Variants in GPC4 observed in about 807,000 individuals in gnomAD.
GPC4 encodes the protein glypican-4.
Under a neutral mutation model 35.0 loss-of-function variants are expected in GPC4, and 10 were observed. The observed-to-expected ratio is 0.29, with a 90% CI of 0.18 to 0.48. The LOEUF (loss-of-function observed/expected upper bound fraction) is 0.48, where lower values mean the gene tolerates loss of function less well. Among genes scored for constraint, GPC4 ranks in the 20% least tolerant of loss-of-function variants. The pLI, the probability that GPC4 is intolerant of heterozygous loss-of-function variation, is 0.99. For missense variants in GPC4, 322 were observed against 451.3 expected (o/e 0.71, Z 2.60); for synonymous variants, 167 against 170.2 (o/e 0.98, Z 0.15).
At chrX:133,332,175 T>A (rs12013696) in intron 2 of GPC4, among the ~76,000 whole-genome samples, 46,977 of 110,440 alleles carry the variant, frequency 0.43, 9,329 homozygotes, top group African/African-American at 0.78. Flanking sequence ...TTTTCCTAAA[T>A]AGTATTCCTC....
At chrX:133,323,441 A>G (rs1246375271) in intron 3 of GPC4, among the ~76,000 whole-genome samples, 5 of 112,076 alleles carry the variant, frequency 4.5e-5, no homozygotes, top group Non-Finnish European at 9.4e-5. Flanking sequence ...AGATCCTGCC[A>G]CTGCACTCTG....
At chrX:133,336,150 G>A (rs2068442263) in intron 2 of GPC4, among the ~76,000 whole-genome samples, 1 of 111,753 alleles carries the variant, frequency 8.9e-6, no homozygotes, top group African/African-American at 3.3e-5. Flanking sequence ...ATTTCTGAGA[G>A]TCAAGACATA....
intron 3 of GPC4, among the ~76,000 whole-genome samples, chrX:133,317,080 T>C (rs1388971217): frequency 1.8e-5 from 2 of 111,893 alleles, no homozygotes; most frequent in African/African-American, 6.5e-5. Context: ...TTAACTCATA[T>C]ATCAAAATCA....
At chrX:133,397,840 C>T (rs370137678) in intron 1 of GPC4, among the ~76,000 whole-genome samples, 2 of 111,959 alleles carry the variant, frequency 1.8e-5, no homozygotes, top group African/African-American at 6.5e-5. Flanking sequence ...GCGGGCAGAT[C>T]ACCTGAGCTC....
intron 1 of GPC4, among the ~76,000 whole-genome samples, chrX:133,402,909 G>GAAAAAA (rs11310772): frequency 1.5e-5 from 1 of 67,103 alleles, no homozygotes. Flanking sequence ...GTCTCAAAAG[G>GAAAAAA]AAAAAAAAAA....
At chrX:133,306,449 C>T (rs2068291476) in intron 4 of GPC4, among the ~76,000 whole-genome samples, 1 of 111,417 alleles carries the variant, frequency 9.0e-6, no homozygotes, top group Admixed American at 9.6e-5. Context: ...GTGTGTCAGC[C>T]ACTGTCACTG....
At chrX:133,332,860 C>A (rs1181734811) in intron 2 of GPC4, among the ~76,000 whole-genome samples, 1 of 112,534 alleles carries the variant, frequency 8.9e-6, no homozygotes, top group East Asian at 2.8e-4. Context: ...GCAGATCTTT[C>A]TTTCCTTGGG....
At chrX:133,410,270 A>T (rs1246041786) in intron 1 of GPC4, among the ~76,000 whole-genome samples, 1 of 112,538 alleles carries the variant, frequency 8.9e-6, no homozygotes, top group East Asian at 2.8e-4. Flanking sequence ...ACAACATAGC[A>T]TGAACTATAC....
chrX:133,308,318 A>C (rs2124106643), intron 4 of GPC4, among the ~76,000 whole-genome samples: 1 of 111,914 alleles, frequency 8.9e-6, no homozygotes, highest in South Asian at 3.8e-4. Context: ...CCCAATACTA[A>C]ATTCCCACTG....
chrX:133,310,067 T>C (rs1483056014), intron 4 of GPC4, among the ~76,000 whole-genome samples: 1 of 111,596 alleles, frequency 9.0e-6, no homozygotes, highest in African/African-American at 3.3e-5. Flanking sequence ...GTCAGTGTTC[T>C]TAAGAATCTG....
At chrX:133,379,661 G>A (rs1747398674) in intron 1 of GPC4, among the ~76,000 whole-genome samples, 1 of 111,766 alleles carries the variant, frequency 8.9e-6, no homozygotes, top group African/African-American at 3.3e-5. Flanking sequence ...AAGTGACTTA[G>A]AGAAGTCTTA....
intron 1 of GPC4, among the ~76,000 whole-genome samples, chrX:133,395,878 A>G (rs1438061752): frequency 9.0e-6 from 1 of 111,436 alleles, no homozygotes; most frequent in Non-Finnish European, 1.9e-5. Context: ...TTGACTGATT[A>G]AAAGAAAACA....
chrX:133,300,357 T>C lies in GPC4; in HGVS notation c.*2510A>G, dbSNP rs2068262834. The C allele has an allele frequency of 8.9e-6, 1 of 112,525 alleles. No homozygotes were observed. Among genetic ancestry groups the C allele is most frequent in the Admixed American group, 9.4e-5 (1 of 10,588 alleles). 9.3% of individuals were successfully genotyped at this position (112,525 alleles called of 1,213,427 possible). On this transcript the variant is annotated 3_prime_UTR_variant, in exon 9 of 9. Transcript: ENST00000370828. ...AAAGAAAAATAATTTATAAATGACT[T>C]TGTAAAACACAAGCCCTTCACATGC...
At chrX:133,317,169 G>A (rs2068342578) in intron 3 of GPC4, among the ~76,000 whole-genome samples, 2 of 110,791 alleles carry the variant, frequency 1.8e-5, no homozygotes, top group African/African-American at 6.6e-5. Context: ...ACTGACAGAG[G>A]TCTTTCTTAA....
In GPC4 at chrX:133,311,362, C is replaced by A; in HGVS notation, c.773G>T (p.Arg258Leu). 2.5e-6 allele frequency: 3 copies of A among 1,210,516 alleles called. No individual in the cohort carries two copies. The highest frequency in any genetic ancestry group is 3.4e-6 in the Non-Finnish European group (3 of 894,380). Reference sequence around the variant, plus strand: ...ACATGGCTTCACAGTCACGAGACCCCGGCAGTGGGAGCAGTAGATCATCTT... The same window carrying A: ...ACATGGCTTCACAGTCACGAGACCCAGGCAGTGGGAGCAGTAGATCATCTT... ...LLKMIYCSHCRGLVTVKPCYN... is the reference protein window; with the variant it reads ...LLKMIYCSHCLGLVTVKPCYN... The change falls in exon 4 of 9, where the codon CGG becomes CTG. Residue 258 changes from arginine (R) to leucine (L), a missense_variant. By Grantham distance (102) the Arg-to-Leu change is moderately radical. Coordinates refer to ENST00000370828, the MANE Select transcript of GPC4 (RefSeq NM_001448.3).
At chrX:133,317,325 C>T (rs935738169) in intron 3 of GPC4, among the ~76,000 whole-genome samples, 5 of 111,506 alleles carry the variant, frequency 4.5e-5, no homozygotes, top group African/African-American at 1.6e-4. Context: ...ATACTCATTC[C>T]TGCCTTCCTC....
At chrX:133,363,555 C>G (rs1603082575) in intron 1 of GPC4, among the ~76,000 whole-genome samples, 1 of 111,419 alleles carries the variant, frequency 9.0e-6, no homozygotes, top group South Asian at 3.8e-4. Context: ...CCCTCATCAG[C>G]TAGGCAAACC....
intron 1 of GPC4, among the ~76,000 whole-genome samples, chrX:133,363,330 C>A (rs1437154403): frequency 9.0e-6 from 1 of 110,983 alleles, no homozygotes; most frequent in African/African-American, 3.3e-5. Flanking sequence ...AACCACCACA[C>A]CTGCCTGGCC....
rs2068265473 is a variant in GPC4, at chrX:133,301,029, C to T, written c.*1838G>A. On this transcript the variant is annotated 3_prime_UTR_variant, in exon 9 of 9. Coordinates refer to ENST00000370828, the MANE Select transcript of GPC4 (RefSeq NM_001448.3). ...TTAAAAAAAAAACCACTTATACACA[C>T]CAGCCAGAATATGCCTATTTTATTA... The T allele has an allele frequency of 9.0e-6, 1 of 111,460 alleles. No individual in the cohort carries two copies. The highest frequency in any genetic ancestry group is 3.3e-5 in the African/African-American group (1 of 30,563). The allele number at this position is 111,460 out of a possible 1,213,427, so 9.2% of individuals were successfully genotyped here.
Sources: gnomAD v4.1 joint callset for allele counts (sites outside exome capture counted in the v4.1 genomes callset) on GRCh38, gnomAD v4.1.1 for gene constraint, MANE v1.5 for transcripts, NCBI Gene and HGNC (gene_info 2026-07-23, HGNC 2026-07-21) for gene names.